The following PPDPFL variants were observed in gnomAD, a reference collection of about 807,000 sequenced individuals.
The protein encoded by PPDPFL is pancreatic progenitor cell differentiation and proliferation factor-like protein.
PPDPFL carries 12 observed loss-of-function variants against 12.6 expected under a neutral mutation model. That is an observed-to-expected ratio of 0.95 (90% confidence interval 0.61 to 1.54). PPDPFL has a LOEUF of 1.54. Among genes scored for constraint, PPDPFL ranks in the 40% most tolerant of loss-of-function variants. The probability of loss-of-function intolerance (pLI) is 0.00; values close to 1 mark genes in which losing one functional copy is unlikely to be tolerated. For synonymous variants in PPDPFL, 24 were observed against 32.7 expected (o/e 0.73, Z 0.91); for missense variants, 114 against 96.0 (o/e 1.19, Z -0.78).
intron 1 of PPDPFL, chr8:49,054,435 G>A (rs1283525022): frequency 6.6e-6 from 1 of 151,888 alleles, no homozygotes; most frequent in Non-Finnish European, 1.5e-5. Flanking sequence ...TTACTTTATT[G>A]TAAGAATACA....
At chr8:49,061,219 G>A (rs1808196930) in intron 1 of PPDPFL, among the ~76,000 whole-genome samples, 2 of 152,112 alleles carry the variant, frequency 1.3e-5, no homozygotes, top group South Asian at 4.1e-4. Flanking sequence ...TTTTAAAGAG[G>A]TAATTACATT....
intron 1 of PPDPFL, among the ~76,000 whole-genome samples, chr8:49,064,959 G>T (rs897147736): frequency 1.3e-5 from 2 of 152,174 alleles, no homozygotes; most frequent in African/African-American, 2.4e-5. Context: ...AATAAAGGGT[G>T]TTCATGTTCC....
intron 4 of PPDPFL, 186 bp downstream of exon 4, chr8:49,074,519 A>G: frequency 6.5e-7 from 1 of 1,537,544 alleles, no homozygotes; most frequent in Non-Finnish European, 8.7e-7. Context: ...GGTCGCTGTC[A>G]GGAAGATCAT....
chr8:49,063,594 C>G, intron 1 of PPDPFL, among the ~76,000 whole-genome samples: 1 of 151,932 alleles, frequency 6.6e-6, no homozygotes, highest in East Asian at 1.9e-4. Flanking sequence ...GTGGTGTGCA[C>G]CTGTAGTCCC....
intron 1 of PPDPFL, among the ~76,000 whole-genome samples, chr8:49,058,371 A>T (rs931307881): frequency 6.6e-6 from 1 of 152,170 alleles, no homozygotes; most frequent in African/African-American, 2.4e-5. Context: ...CTTCTACTGG[A>T]GGGCACTCTG....
In PPDPFL at chr8:49,075,344, G is replaced by C. The variant is rs1808476951; in HGVS notation, c.*171G>C. Reference sequence around the variant, plus strand: ...ATTCCAGGACTCTTCTCCATTGTAAGAAGACAGAAATGTGTCTGAGATCTC... The same window carrying C: ...ATTCCAGGACTCTTCTCCATTGTAACAAGACAGAAATGTGTCTGAGATCTC... On this transcript the variant is annotated 3_prime_UTR_variant, in exon 5 of 5. Transcript: ENST00000522267. The C allele has an allele frequency of 7.3e-7, 1 of 1,366,912 alleles. No individual in the cohort carries two copies. Among genetic ancestry groups the C allele is most frequent in the African/African-American group, 1.4e-5 (1 of 69,868 alleles). 84.7% of individuals were successfully genotyped at this position (1,366,912 alleles called of 1,614,324 possible).
chr8:49,075,292 G>A lies in PPDPFL; in HGVS notation c.*119G>A. Reference sequence around the variant, plus strand: ...CTGCCTGCTGCAGTGGTCCATACATGAACAGCTCCCCTTCAGCGCCCCAGC... The same window carrying A: ...CTGCCTGCTGCAGTGGTCCATACATAAACAGCTCCCCTTCAGCGCCCCAGC... On this transcript the variant is annotated 3_prime_UTR_variant, in exon 5 of 5. Coordinates refer to ENST00000522267, the MANE Select transcript of PPDPFL (RefSeq NM_001256597.2). The A allele has an allele frequency of 6.2e-7, 1 of 1,609,154 alleles. No individual in the cohort carries two copies. Among genetic ancestry groups the A allele is most frequent in the Non-Finnish European group, 8.5e-7 (1 of 1,175,550 alleles).
At chr8:49,074,890 A>C in intron 4 of PPDPFL, 3 of 1,387,138 alleles carry the variant, frequency 2.2e-6, no homozygotes, top group Non-Finnish European at 2.8e-6. Flanking sequence ...ACTAAATGGA[A>C]TAGAAAGAAT....
intron 1 of PPDPFL, among the ~76,000 whole-genome samples, chr8:49,067,133 G>A (rs1370999257): frequency 2.0e-5 from 3 of 152,160 alleles, no homozygotes; most frequent in Non-Finnish European, 2.9e-5. Context: ...TGAATTATAT[G>A]TATTGAAACT....
At chr8:49,059,403 A>G (rs1240688835) in intron 1 of PPDPFL, among the ~76,000 whole-genome samples, 1 of 152,186 alleles carries the variant, frequency 6.6e-6, no homozygotes, top group East Asian at 1.9e-4. Flanking sequence ...AAACCTCAAA[A>G]TACTTATACA....
At chr8:49,058,240 T>C (rs2129243468) in intron 1 of PPDPFL, among the ~76,000 whole-genome samples, 1 of 152,344 alleles carries the variant, frequency 6.6e-6, no homozygotes, top group South Asian at 2.1e-4. Flanking sequence ...TTCCCCATTC[T>C]ATGAAATAAA....
At chr8:49,055,434 C>T (rs1051727242) in intron 1 of PPDPFL, among the ~76,000 whole-genome samples, 2 of 152,160 alleles carry the variant, frequency 1.3e-5, no homozygotes, top group Non-Finnish European at 2.9e-5. Context: ...GGCTCTCATT[C>T]TTCTGCCTGA....
At chr8:49,055,206 A>AC (rs199972568) in intron 1 of PPDPFL, among the ~76,000 whole-genome samples, 2,969 of 74,054 alleles carry the variant, frequency 0.04, 100 homozygotes, top group African/African-American at 0.1. Flanking sequence ...TCCTGCTCCT[A>AC]ATTGCTACAG....
At chr8:49,070,041 A>G (rs565864966), upstream of PPDPFL, among the ~76,000 whole-genome samples, 2 of 152,324 alleles carry the variant, frequency 1.3e-5, no homozygotes, top group South Asian at 2.1e-4. Context: ...ATACATAGAC[A>G]CCATGGAATA....
chr8:49,065,834 G>A (rs550503534), intron 1 of PPDPFL, among the ~76,000 whole-genome samples: 2 of 152,184 alleles, frequency 1.3e-5, no homozygotes, highest in African/African-American at 2.4e-5. Flanking sequence ...TATTTTGGGG[G>A]AACCTAACAC....
At chr8:49,062,760 C>T (rs1166328373) in intron 1 of PPDPFL, among the ~76,000 whole-genome samples, 2 of 152,116 alleles carry the variant, frequency 1.3e-5, no homozygotes, top group Non-Finnish European at 2.9e-5. Flanking sequence ...GTTCCCAGGG[C>T]CAAGACGGAC....
At chr8:49,065,780 G>GA (rs1483404659) in intron 1 of PPDPFL, among the ~76,000 whole-genome samples, 10 of 152,296 alleles carry the variant, frequency 6.6e-5, no homozygotes, top group Admixed American at 6.5e-4. Context: ...AAACATTCTG[G>GA]TGACATCAGC....
In PPDPFL at chr8:49,075,390, G is replaced by A; in HGVS notation, c.*217G>A. On this transcript the variant is annotated 3_prime_UTR_variant, in exon 5 of 5. Coordinates refer to ENST00000522267, the MANE Select transcript of PPDPFL (RefSeq NM_001256597.2). ...ATCTCATTTATGAGACAAGATCACA[G>A]CAGCCACTGATATAAAAAAAGTTTA... 2.1e-6 allele frequency: 2 copies of A among 968,456 alleles called. No individual in the cohort carries two copies. The highest frequency in any genetic ancestry group is 3.3e-6 in the Non-Finnish European group (2 of 612,792). The allele number at this position is 968,456 out of a possible 1,614,324, so 60.0% of individuals were successfully genotyped here. A position where few individuals can be genotyped will look rare whatever the true frequency, so the allele number is the denominator to read the frequency against.
chr8:49,059,329 G>A (rs1241109052), intron 1 of PPDPFL, among the ~76,000 whole-genome samples: 2 of 152,124 alleles, frequency 1.3e-5, no homozygotes, highest in African/African-American at 4.8e-5. Context: ...TAACGCTATA[G>A]TGATCTTGGT....
Sources: gnomAD v4.1 joint callset for allele counts (sites outside exome capture counted in the v4.1 genomes callset) on GRCh38, gnomAD v4.1.1 for gene constraint, MANE v1.5 for transcripts, NCBI Gene and HGNC (gene_info 2026-07-23, HGNC 2026-07-21) for gene names.